The following CALN1 variants were observed in gnomAD, a reference collection of about 807,000 sequenced individuals.
CALN1 encodes the protein calcium-binding protein 8.
In CALN1, 17 loss-of-function variants were observed where a neutral mutation model predicts 30.6. That is an observed-to-expected ratio of 0.56 (90% confidence interval 0.38 to 0.83). CALN1 has a LOEUF of 0.83. Ranked by LOEUF, CALN1 falls within the 40% of genes least tolerant of loss-of-function variation. The pLI, the probability that CALN1 is intolerant of heterozygous loss-of-function variation, is 0.00. For missense variants in CALN1, 291 were observed against 354.9 expected (o/e 0.82, Z 1.45); for synonymous variants, 156 against 131.4 (o/e 1.19, Z -1.28).
intron 2 of CALN1, among the ~76,000 whole-genome samples, chr7:72,399,052 GAGT>G (rs1166798109): frequency 2.0e-5 from 3 of 152,052 alleles, no homozygotes; most frequent in East Asian, 1.9e-4. Context: ...TGAGAAAAAG[GAGT>G]AGAAGAGAAG....
chr7:72,184,120 C>T (rs1790015988), intron 3 of CALN1, among the ~76,000 whole-genome samples: 1 of 152,188 alleles, frequency 6.6e-6, no homozygotes. Context: ...ATAATCTCTC[C>T]TTCCTCTAAA....
At position 72,278,729 on chromosome 7, in the gene CALN1, A is replaced by T; in HGVS notation, c.201T>A (p.Ser67Arg). ...NYLNRSLSAG[S>R]DSEQLANISV... ...AGATATTAGCCAGCTGTTCGCTGTC[A>T]CTGCCAGCAGAGAGCGATCGGTTGA... Residue 67 changes from serine to arginine, a missense_variant, in exon 3 of 7, where the codon AGT becomes AGA. Transcript: ENST00000395275. 1 of 1,614,004 alleles carries T rather than the reference A, an allele frequency of 6.2e-7. No homozygotes were observed. The highest frequency in any genetic ancestry group is 1.3e-5 in the African/African-American group (1 of 75,052).
chr7:71,916,449 G>C (rs757353522), intron 5 of CALN1, among the ~76,000 whole-genome samples: 2 of 151,982 alleles, frequency 1.3e-5, no homozygotes, highest in Non-Finnish European at 2.9e-5. Flanking sequence ...TCTGGATAAA[G>C]AAAATGTGGT....
chr7:71,832,003 G>T (rs559152435), intron 5 of CALN1, among the ~76,000 whole-genome samples: 1 of 151,444 alleles, frequency 6.6e-6, no homozygotes, highest in South Asian at 2.1e-4. Flanking sequence ...GCCCGTTAAT[G>T]ATGTGATGCC....
chr7:72,424,390 T>C (rs566483735), intron 1 of CALN1, among the ~76,000 whole-genome samples: 3 of 152,304 alleles, frequency 2.0e-5, no homozygotes, highest in African/African-American at 7.2e-5. Flanking sequence ...TTTTAAAGTT[T>C]AAACTTTCTA....
chr7:72,068,708 C>G (rs1375116441), intron 4 of CALN1, among the ~76,000 whole-genome samples: 2 of 152,152 alleles, frequency 1.3e-5, no homozygotes, highest in Non-Finnish European at 2.9e-5. Flanking sequence ...CGAGGCTGGT[C>G]TCGAACTCCT....
At chr7:72,189,506 C>G (rs1430998891) in intron 3 of CALN1, among the ~76,000 whole-genome samples, 3 of 152,158 alleles carry the variant, frequency 2.0e-5, no homozygotes, top group African/African-American at 7.2e-5. Context: ...CCTGTAATCC[C>G]AGCCCTTTGG....
chr7:72,321,879 T>C (rs1800905625), intron 2 of CALN1, among the ~76,000 whole-genome samples: 1 of 152,154 alleles, frequency 6.6e-6, no homozygotes, highest in Non-Finnish European at 1.5e-5. Context: ...TCTGTGACTC[T>C]AAACAAATCA....
At position 71,990,810 on chromosome 7, in the gene CALN1, TTACTC is replaced by T. The variant is rs1238159264; in HGVS notation, c.501+32842_501+32846del. On this transcript the variant is annotated intron_variant, in intron 5 of 6. Coordinates refer to ENST00000395275, the MANE Select transcript of CALN1 (RefSeq NM_031468.4). ...CTTTGTTAATAAACTTGCTCTTACTTTACTCTAAGGACTCGCACCAAATTCTTTCT... is the reference window on the plus strand; with the variant it reads ...CTTTGTTAATAAACTTGCTCTTACTTTAAGGACTCGCACCAAATTCTTTCT... 3.0e-4 allele frequency among the ~76,000 whole-genome samples: 46 copies of T among 152,140 alleles called. 1 individual carries two copies. The highest frequency in any genetic ancestry group is 1.9e-4 in the East Asian group (1 of 5,182).
intron 2 of CALN1, among the ~76,000 whole-genome samples, chr7:72,280,781 C>T (rs1797680247): frequency 6.6e-6 from 1 of 152,092 alleles, no homozygotes; most frequent in Non-Finnish European, 1.5e-5. Context: ...GTGATTAGGT[C>T]ATGAGGACAG....
intron 2 of CALN1, among the ~76,000 whole-genome samples, chr7:72,365,416 A>G (rs1011848293): frequency 1.3e-5 from 2 of 152,180 alleles, no homozygotes; most frequent in Non-Finnish European, 2.9e-5. Context: ...AACAACTAGC[A>G]AAGTGCATAA....
chr7:71,863,734 TCAGCAATCATGGCACCTG>T (rs1423536824), intron 5 of CALN1, among the ~76,000 whole-genome samples: 2 of 151,994 alleles, frequency 1.3e-5, no homozygotes, highest in Non-Finnish European at 2.9e-5. Context: ...AAGTATAAGG[TCAGCAATCATGGCACCTG>T]CAGCAATCCT....
chr7:72,346,284 T>C (rs530451700), intron 2 of CALN1, among the ~76,000 whole-genome samples: 101 of 152,282 alleles, frequency 6.6e-4, no homozygotes, highest in African/African-American at 2.3e-3. Flanking sequence ...CTCCATTCCT[T>C]TTTCCCAAAG....
chr7:72,232,618 G>GC (rs35212151), intron 3 of CALN1, among the ~76,000 whole-genome samples: 115,458 of 152,134 alleles, frequency 0.76, 45,011 homozygotes, highest in East Asian at 1. Flanking sequence ...CTGCCACCAT[G>GC]CTGGCTAATT....
At chr7:72,247,154 G>A (rs1276406917) in intron 3 of CALN1, among the ~76,000 whole-genome samples, 1 of 147,776 alleles carries the variant, frequency 6.8e-6, no homozygotes, top group Non-Finnish European at 1.5e-5. Flanking sequence ...TAGTTACGGA[G>A]AAAGCTACAA....
intron 3 of CALN1, among the ~76,000 whole-genome samples, chr7:72,113,255 G>A (rs985817662): frequency 6.6e-6 from 1 of 152,064 alleles, no homozygotes; most frequent in African/African-American, 2.4e-5. Context: ...ATTAGTTCCT[G>A]CAAGAGTTGG....
chr7:72,144,374 A>G (rs975724347), intron 3 of CALN1, among the ~76,000 whole-genome samples: 1 of 152,232 alleles, frequency 6.6e-6, no homozygotes, highest in African/African-American at 2.4e-5. Context: ...AAAGAGACAA[A>G]GAAGGCCATT....
At chr7:72,065,290 C>A (rs896556691) in intron 4 of CALN1, among the ~76,000 whole-genome samples, 14 of 152,124 alleles carry the variant, frequency 9.2e-5, no homozygotes, top group Admixed American at 7.9e-4. Context: ...CATACTACAG[C>A]CCAATCTGTT....
At chr7:71,952,459 G>A (rs761367627) in intron 5 of CALN1, among the ~76,000 whole-genome samples, 3 of 152,222 alleles carry the variant, frequency 2.0e-5, no homozygotes, top group Non-Finnish European at 4.4e-5. Context: ...CAAGGACTCG[G>A]CTCTGGGTGA....
Sources: gnomAD v4.1 joint callset for allele counts (sites outside exome capture counted in the v4.1 genomes callset) on GRCh38, gnomAD v4.1.1 for gene constraint, MANE v1.5 for transcripts, NCBI Gene and HGNC (gene_info 2026-07-23, HGNC 2026-07-21) for gene names.